CD36: variants seen among roughly 807,000 people sequenced by gnomAD.
CD36 encodes the protein platelet glycoprotein 4.
CD36 carries 119 observed loss-of-function variants against 55.2 expected under a neutral mutation model. The ratio of observed to expected loss-of-function variants is 2.15; its 90% CI spans 1.86 to 2.51. The LOEUF (loss-of-function observed/expected upper bound fraction) is 2.51. CD36 is among the 30% of genes most tolerant of loss of function. The pLI is 0.00. For synonymous variants in CD36, 186 were observed against 193.6 expected (o/e 0.96, Z 0.33); for missense variants, 819 against 555.5 (o/e 1.47, Z -4.77).
rs546909836 is a variant in CD36, at chr7:80,609,670, T to G, written c.-184+7291T>G. Among the ~76,000 whole-genome samples the G allele has an allele frequency of 6.6e-5, 10 of 152,316 alleles. No individual in the cohort carries two copies. The South Asian group carries it at 2.1e-3, about 32-fold the overall frequency. On this transcript the variant is annotated intron_variant, in intron 1 of 13. Transcript: ENST00000309881. ...CTGATTGATAAAATATTTGCCAATG[T>G]AATTGGGGGGAATAAAAGCATGTAT...
intron 14 of CD36, among the ~76,000 whole-genome samples, chr7:80,675,432 T>C (rs1798121861): frequency 6.6e-6 from 1 of 151,644 alleles, no homozygotes; most frequent in South Asian, 2.1e-4. Context: ...AGAATTAAAA[T>C]TATGTGATAC....
intron 1 of CD36, among the ~76,000 whole-genome samples, chr7:80,612,813 A>T (rs1015338514): frequency 6.6e-6 from 1 of 152,142 alleles, no homozygotes; most frequent in South Asian, 2.1e-4. Context: ...GCTATTTAAC[A>T]TGTGTGTTAT....
intron 4 of CD36, among the ~76,000 whole-genome samples, chr7:80,659,498 T>G (rs1796358428): frequency 6.6e-6 from 1 of 152,180 alleles, no homozygotes; most frequent in Non-Finnish European, 1.5e-5. Flanking sequence ...AAAAGTAATC[T>G]TGAGAAAAGC....
chr7:80,623,245 A>T (rs1021119546), intron 1 of CD36, among the ~76,000 whole-genome samples: 1 of 152,176 alleles, frequency 6.6e-6, no homozygotes, highest in African/African-American at 2.4e-5. Context: ...ACTTCATGAA[A>T]GTAGACTAAA....
chr7:80,671,835 G>T, intron 10 of CD36, 87 bp from the exon 11 acceptor site: 2 of 1,204,066 alleles, frequency 1.7e-6, no homozygotes, highest in Non-Finnish European at 1.2e-6. Flanking sequence ...AATGCAAGAA[G>T]CTTTAGTTTT....
At position 80,656,627 on chromosome 7, in the gene CD36, G is replaced by T. The variant is rs755136240; in HGVS notation, c.208G>T (p.Val70Leu). 4 of 1,613,614 alleles carry T rather than the reference G, an allele frequency of 2.5e-6. No individual in the cohort carries two copies. In the African/African-American group the frequency reaches 5.3e-5, roughly 22 times the overall value. Reference sequence around the variant, plus strand: ...TTACAGACAGTTTTGGATCTTTGATGTGCAAAATCCACAGGAAGTGATGAT... The same window carrying T: ...TTACAGACAGTTTTGGATCTTTGATTTGCAAAATCCACAGGAAGTGATGAT... The part of the protein sequence containing the change: ...EVYRQFWIFD[V>L]QNPQEVMMNS... Residue 70 changes from valine to leucine, a missense_variant, in exon 4 of 15, where the codon GTG becomes TTG. Val to Leu is a conservative substitution (Grantham distance 32). Transcript: ENST00000447544.
At chr7:80,622,050 T>A (rs1385791227) in intron 1 of CD36, among the ~76,000 whole-genome samples, 1 of 152,328 alleles carries the variant, frequency 6.6e-6, no homozygotes, top group East Asian at 1.9e-4. Flanking sequence ...TGCTTTAACC[T>A]TTTTTACAAC....
At position 80,666,468 on chromosome 7, in the gene CD36, T is replaced by C. The variant is rs1296329264; in HGVS notation, c.727T>C (p.Cys243Arg). 1.2e-6 allele frequency: 2 copies of C among 1,608,402 alleles called. No individual in the cohort carries two copies. The highest frequency in any genetic ancestry group is 4.5e-5 in the East Asian group (2 of 44,790). ...GAATCTGTCCTATTGGGAAAGTCAC[T>C]GCGACATGATTAATGGTACAGGTAA... is the stretch of plus-strand genomic sequence containing the variant. Reference protein sequence around the residue: ...KRNLSYWESHCDMINGTDAAS... With the variant: ...KRNLSYWESHRDMINGTDAAS... Residue 243 changes from cysteine to arginine, a missense_variant, in exon 8 of 15, where the codon TGC becomes CGC. Cys to Arg is a radical substitution (Grantham distance 180). Coordinates refer to ENST00000447544, the MANE Select transcript of CD36 (RefSeq NM_001001548.3).
intron 8 of CD36, among the ~76,000 whole-genome samples, chr7:80,667,362 G>A (rs1443287080): frequency 6.6e-6 from 1 of 151,228 alleles, no homozygotes; most frequent in Non-Finnish European, 1.5e-5. Flanking sequence ...TCCAGGAGGT[G>A]GAGGCTGCAG....
At chr7:80,651,442 A>G (rs1795612986) in intron 3 of CD36, among the ~76,000 whole-genome samples, 1 of 152,202 alleles carries the variant, frequency 6.6e-6, no homozygotes, top group East Asian at 1.9e-4. Flanking sequence ...TTCTAACTAT[A>G]GAACACCAAA....
At chr7:80,631,335 G>A (rs1244694452) in intron 1 of CD36, among the ~76,000 whole-genome samples, 2 of 152,002 alleles carry the variant, frequency 1.3e-5, no homozygotes, top group African/African-American at 4.8e-5. Context: ...ACATAGGAGA[G>A]TTAGAAGGAT....
At chr7:80,639,773 T>A (rs981935880) in intron 1 of CD36, 8 of 152,004 alleles carry the variant, frequency 5.3e-5, no homozygotes, top group Non-Finnish European at 7.4e-5. Context: ...GTTTGTTATA[T>A]AGAAAGTCCA....
chr7:80,663,290 T>A (rs566211840), intron 6 of CD36, 121 bp downstream of exon 6: 2 of 839,458 alleles, frequency 2.4e-6, no homozygotes, highest in African/African-American at 3.4e-5. Context: ...GAGACATATA[T>A]CCTAACTTTT....
intron 13 of CD36, 175 bp downstream of exon 13, chr7:80,673,584 C>CTA (rs1384485872): frequency 3.4e-6 from 2 of 582,356 alleles, no homozygotes; most frequent in African/African-American, 3.8e-5. Flanking sequence ...AAAACATTTC[C>CTA]TATCATTTAA....
intron 1 of CD36, among the ~76,000 whole-genome samples, chr7:80,609,254 A>G (rs148733067): frequency 6.6e-6 from 1 of 152,292 alleles, no homozygotes; most frequent in Non-Finnish European, 1.5e-5. Flanking sequence ...CACTGTACCG[A>G]ATCCTTACTG....
chr7:80,671,188 C>G, intron 10 of CD36, 24 bp downstream of exon 10: 1 of 1,451,666 alleles, frequency 6.9e-7, no homozygotes, highest in Non-Finnish European at 9.7e-7. Context: ...CTCAGTAGCA[C>G]AGTCCATACC....
rs140454498 is a variant in CD36, at chr7:80,674,690, A to T, written c.*543A>T. 3.4e-3 allele frequency among the ~76,000 whole-genome samples: 522 copies of T among 152,142 alleles called. 4 individuals carry two copies. Among genetic ancestry groups the T allele is most frequent in the African/African-American group, 0.012 (490 of 41,538 alleles). ...ATGCTTTAGATATTAGTGTCCATGC[A>T]CTCTTAAAGATGAATGAATGCCTGA... On this transcript the variant is annotated intron_variant, in intron 14 of 14. Transcript: ENST00000447544.
chr7:80,644,496 G>T (rs2116361644), intron 1 of CD36, among the ~76,000 whole-genome samples: 1 of 152,224 alleles, frequency 6.6e-6, no homozygotes, highest in Admixed American at 6.5e-5. Flanking sequence ...CAAAGGTTAA[G>T]GGAACATATG....
intron 1 of CD36, among the ~76,000 whole-genome samples, chr7:80,622,309 C>T (rs953664197): frequency 8.5e-5 from 13 of 152,172 alleles, no homozygotes; most frequent in African/African-American, 3.1e-4. Context: ...CCAGTGTGGC[C>T]AAGAGAGGCC....
Sources: gnomAD v4.1 joint callset for allele counts (sites outside exome capture counted in the v4.1 genomes callset) on GRCh38, gnomAD v4.1.1 for gene constraint, MANE v1.5 for transcripts, NCBI Gene and HGNC (gene_info 2026-07-23, HGNC 2026-07-21) for gene names.